FRMPD1: variants seen among roughly 807,000 people sequenced by gnomAD.
FRMPD1 encodes FERM and PDZ domain containing 1.
A neutral mutation model predicts 117.8 loss-of-function variants in FRMPD1; 76 were observed. That is an observed-to-expected ratio of 0.65 (90% CI 0.54 to 0.78). The LOEUF (loss-of-function observed/expected upper bound fraction) is 0.78, where lower values mean the gene tolerates loss of function less well. Ranked by LOEUF, FRMPD1 falls within the 30% of genes least tolerant of loss-of-function variation. The pLI is 0.00. For missense variants in FRMPD1, 1,786 were observed against 1,964.5 expected, an observed-to-expected ratio of 0.91 and a Z score of 1.72; for synonymous variants, 783 against 770.4, an observed-to-expected ratio of 1.02 and a Z score of -0.27.
At position 37,672,772 on chromosome 9, in the gene FRMPD1, G is replaced by T. The variant is rs115579573; in HGVS notation, c.-4-19866G>T. 8.8e-3 allele frequency among the ~76,000 whole-genome samples: 1,343 copies of T among 152,230 alleles called. 16 individuals are homozygous for T. The highest frequency in any genetic ancestry group is 0.031 in the African/African-American group (1,291 of 41,530). ...GCCTCAGAATCATGGCAGGAGGCAA[G>T]AACCAAGAGAAAATAAGGAGGAAGC... On this transcript the variant is annotated intron_variant, in intron 1 of 15. Transcript: ENST00000377765.
the FRMPD1 span, among the ~76,000 whole-genome samples, chr9:37,632,080 G>A: frequency 1.3e-5 from 2 of 152,168 alleles, no homozygotes; most frequent in African/African-American, 4.8e-5. Flanking sequence ...GGGCTATACG[G>A]CATGTACAAT....
intron 6 of FRMPD1, among the ~76,000 whole-genome samples, chr9:37,723,031 CAG>C (rs1338319117): frequency 2.1e-4 from 32 of 152,266 alleles, no homozygotes; most frequent in African/African-American, 7.7e-4. Flanking sequence ...ACGAGAGTGG[CAG>C]AGTCCCTTAG....
At chr9:37,701,528 T>C (rs1010715892) in intron 2 of FRMPD1, among the ~76,000 whole-genome samples, 62 of 151,708 alleles carry the variant, frequency 4.1e-4, no homozygotes, top group Non-Finnish European at 7.7e-4. Context: ...TGTGTGTGTG[T>C]GTGTGTGTGT....
chr9:37,651,260 C>T (rs1018881685), intron 1 of FRMPD1, among the ~76,000 whole-genome samples, 166 bp downstream of exon 1: 1 of 152,240 alleles, frequency 6.6e-6, no homozygotes, highest in Non-Finnish European at 1.5e-5. Flanking sequence ...CTCGGGGGCG[C>T]GTCCGTGGGC....
At chr9:37,611,072 C>T in the FRMPD1 span, among the ~76,000 whole-genome samples, 2 of 152,120 alleles carry the variant, frequency 1.3e-5, no homozygotes, top group Admixed American at 1.3e-4. Flanking sequence ...TGTAAAAATA[C>T]GTTTGTAGGA....
intron 14 of FRMPD1, among the ~76,000 whole-genome samples, chr9:37,738,299 C>T (rs1824226067): frequency 6.6e-6 from 1 of 151,952 alleles, no homozygotes; most frequent in African/African-American, 2.4e-5. Context: ...ATAAGTAAAA[C>T]AGTTAGAAAG....
intron 1 of FRMPD1, among the ~76,000 whole-genome samples, chr9:37,679,265 A>G (rs1450225127): frequency 2.6e-5 from 4 of 152,206 alleles, no homozygotes; most frequent in Non-Finnish European, 5.9e-5. Flanking sequence ...GCTTAAAGAG[A>G]GTCAGAAACT....
intron 5 of FRMPD1, among the ~76,000 whole-genome samples, chr9:37,714,792 A>G (rs1257828438): frequency 2.0e-5 from 3 of 151,948 alleles, no homozygotes; most frequent in Non-Finnish European, 2.9e-5. Flanking sequence ...CATTACAGGC[A>G]TGCACCACCA....
intron 2 of FRMPD1, chr9:37,692,993 CACTG>C: frequency 1.8e-6 from 1 of 546,426 alleles, no homozygotes; most frequent in South Asian, 2.1e-5. Context: ...TTTACAAACA[CACTG>C]ACACACAGAC....
chr9:37,705,557 T>C (rs1384279977), intron 2 of FRMPD1, among the ~76,000 whole-genome samples: 1 of 152,160 alleles, frequency 6.6e-6, no homozygotes, highest in African/African-American at 2.4e-5. Context: ...TCAGCTTCCC[T>C]AAGTGCTGGG....
At position 37,745,309 on chromosome 9, in the gene FRMPD1, G is replaced by C. The variant is rs751807170; in HGVS notation, c.3277G>C (p.Glu1093Gln). 17 of 1,606,926 alleles carry C rather than the reference G, an allele frequency of 1.1e-5. No individual in the cohort carries two copies. In the East Asian group the frequency reaches 1.3e-4, roughly 13 times the overall value. Reference protein sequence around the residue: ...RSDECGINPGEKIASIPTKEE... With the variant: ...RSDECGINPGQKIASIPTKEE... Reference sequence around the variant, plus strand: ...TGATGAATGTGGAATAAATCCAGGAGAGAAGATAGCTTCTATCCCTACAAA... The same window carrying C: ...TGATGAATGTGGAATAAATCCAGGACAGAAGATAGCTTCTATCCCTACAAA... Residue 1093 changes from glutamate to glutamine, a missense_variant, in exon 16 of 16, where the codon GAG (glutamate) becomes CAG (glutamine). Physicochemically the swap from Glu to Gln is conservative, Grantham distance 29 (BLOSUM62 2). Coordinates refer to ENST00000377765, the MANE Select transcript of FRMPD1 (RefSeq NM_014907.3).
At chr9:37,668,926 C>G (rs1282971670) in intron 1 of FRMPD1, among the ~76,000 whole-genome samples, 2 of 152,170 alleles carry the variant, frequency 1.3e-5, no homozygotes, top group Admixed American at 6.5e-5. Flanking sequence ...TTGGAACTAA[C>G]TTGCCAACAG....
chr9:37,674,774 T>C (rs991864624), intron 1 of FRMPD1, among the ~76,000 whole-genome samples: 2 of 152,198 alleles, frequency 1.3e-5, no homozygotes, highest in Non-Finnish European at 2.9e-5. Context: ...GTGAGACTTA[T>C]TCACTATCAT....
At chr9:37,664,056 C>T (rs10973473) in intron 1 of FRMPD1, among the ~76,000 whole-genome samples, 7,890 of 152,138 alleles carry the variant, frequency 0.052, 231 homozygotes, top group Non-Finnish European at 0.059. Context: ...GCATGACAGA[C>T]GCCCAAGAGC....
chr9:37,642,176 A>G, the FRMPD1 span, among the ~76,000 whole-genome samples: 2 of 152,320 alleles, frequency 1.3e-5, no homozygotes, highest in Middle Eastern at 3.4e-3. Context: ...TTCTGACTCA[A>G]TCACCAACAC....
chr9:37,737,896 A>G (rs1824208160), intron 14 of FRMPD1, among the ~76,000 whole-genome samples: 1 of 152,058 alleles, frequency 6.6e-6, no homozygotes, highest in Admixed American at 6.6e-5. Context: ...TTGTTCAGGA[A>G]GTAGATGACC....
Position 37,721,699 on chromosome 9 carries a change from A to G in FRMPD1, c.516+2523A>G, listed in dbSNP as rs768608651. On this transcript the variant is annotated intron_variant, in intron 6 of 15. Transcript: ENST00000377765. Reference sequence around the variant, plus strand: ...AAAATCCATATATTTAAAGATATCTATAGTATCAACATTTTAAATAGCTCC... The same window carrying G: ...AAAATCCATATATTTAAAGATATCTGTAGTATCAACATTTTAAATAGCTCC... Among the ~76,000 whole-genome samples the G allele has an allele frequency of 9.8e-5, 15 of 152,336 alleles. No homozygotes were observed. In the South Asian group the frequency reaches 2.7e-3, roughly 27 times the overall value.
In FRMPD1 at chr9:37,745,520, T is replaced by C. The variant is rs778462699; in HGVS notation, c.3488T>C (p.Leu1163Ser). ...GGTAAAATAGTAACCTCCCTTTCTT[T>C]AGATGCTCCTGTAACAGGGACCGAG... ...PAGKIVTSLS[L>S]DAPVTGTEQI... The change falls in exon 16 of 16, where the codon TTA (leucine) becomes TCA (serine). Residue 1163 changes from leucine to serine, a missense_variant. Physicochemically the swap from Leu to Ser is moderately radical, Grantham distance 145. Transcript: ENST00000377765. 6.2e-7 allele frequency: 1 copy of C among 1,614,114 alleles called. No individual in the cohort carries two copies. Among genetic ancestry groups the C allele is most frequent in the South Asian group, 1.1e-5 (1 of 91,086 alleles).
intron 1 of FRMPD1, among the ~76,000 whole-genome samples, chr9:37,678,795 T>G (rs1821622609): frequency 6.6e-6 from 1 of 152,256 alleles, no homozygotes; most frequent in Admixed American, 6.5e-5. Flanking sequence ...CAGAGTCAGC[T>G]GCACCTCTGC....
Sources: gnomAD v4.1 joint callset for allele counts (sites outside exome capture counted in the v4.1 genomes callset) on GRCh38, gnomAD v4.1.1 for gene constraint, MANE v1.5 for transcripts, NCBI Gene and HGNC (gene_info 2026-07-23, HGNC 2026-07-21) for gene names.